SGCZ: variants seen among roughly 807,000 people sequenced by gnomAD.
The protein encoded by SGCZ is sarcoglycan zeta.
SGCZ carries 40 observed loss-of-function variants against 41.3 expected under a neutral mutation model. That is an observed-to-expected ratio of 0.97 (90% CI 0.75 to 1.26). The LOEUF (loss-of-function observed/expected upper bound fraction) is 1.26. Ranked by LOEUF, SGCZ falls within the 50% of genes most tolerant of loss-of-function variation. The pLI is 0.00. For synonymous variants in SGCZ, 206 were observed against 137.5 expected (o/e 1.50, Z -3.49); for missense variants, 552 against 369.8 (o/e 1.49, Z -4.04).
intron 1 of SGCZ, among the ~76,000 whole-genome samples, chr8:14,865,994 G>C (rs565498511): frequency 1.3e-5 from 2 of 152,026 alleles, no homozygotes; most frequent in Non-Finnish European, 2.9e-5. Flanking sequence ...GAGAAAATTG[G>C]GTTGTGAATG....
At chr8:14,363,192 C>A (rs1394890293) in intron 2 of SGCZ, among the ~76,000 whole-genome samples, 3 of 152,110 alleles carry the variant, frequency 2.0e-5, no homozygotes, top group South Asian at 2.1e-4. Flanking sequence ...ACTTTTGATG[C>A]AGACAGGTCC....
intron 3 of SGCZ, among the ~76,000 whole-genome samples, chr8:14,241,230 G>T (rs1229700911): frequency 6.6e-6 from 1 of 151,574 alleles, no homozygotes; most frequent in Non-Finnish European, 1.5e-5. Context: ...GCGAATATGT[G>T]GTTTAAGATA....
chr8:14,450,113 G>A (rs994682797), intron 2 of SGCZ, among the ~76,000 whole-genome samples: 24 of 152,088 alleles, frequency 1.6e-4, no homozygotes, highest in Non-Finnish European at 2.4e-4. Context: ...ACAAAAATCT[G>A]CCAATCCTTT....
intron 2 of SGCZ, among the ~76,000 whole-genome samples, chr8:14,367,231 T>C (rs1803741917): frequency 6.6e-6 from 1 of 152,066 alleles, no homozygotes; most frequent in Admixed American, 6.6e-5. Flanking sequence ...AAGAAGTTTC[T>C]CATCATCACT....
intron 2 of SGCZ, among the ~76,000 whole-genome samples, chr8:14,503,185 C>T (rs1802204236): frequency 6.6e-6 from 1 of 152,070 alleles, no homozygotes; most frequent in East Asian, 1.9e-4. Context: ...TCTCAGCAAA[C>T]TAACACAAGA....
intron 2 of SGCZ, among the ~76,000 whole-genome samples, chr8:14,465,686 T>C (rs1031528282): frequency 6.6e-6 from 1 of 151,716 alleles, no homozygotes. Flanking sequence ...GTGGTTGCCA[T>C]GGGGATTATA....
At position 14,898,539 on chromosome 8, in the gene SGCZ, T is replaced by A. The variant is rs192779006; in HGVS notation, c.39+339046A>T. On this transcript the variant is annotated intron_variant, in intron 1 of 7. Transcript: ENST00000382080. ...TTAAAATATTCTTTCAGTTTCAGCATGAAGAATAAATTGGTAAAAGCAAGA... is the reference window on the plus strand; with the variant it reads ...TTAAAATATTCTTTCAGTTTCAGCAAGAAGAATAAATTGGTAAAAGCAAGA... Among the ~76,000 whole-genome samples, 610 of 152,216 alleles carry A rather than the reference T, an allele frequency of 4.0e-3. 4 individuals are homozygous for A. The highest frequency in any genetic ancestry group is 0.018 in the South Asian group (86 of 4,824).
At chr8:14,444,227 G>A (rs1422737086) in intron 2 of SGCZ, among the ~76,000 whole-genome samples, 2 of 152,108 alleles carry the variant, frequency 1.3e-5, no homozygotes, top group South Asian at 2.1e-4. Context: ...CTGTAAACTA[G>A]TTCAACCATT....
At chr8:14,652,351 G>GC (rs1191257088) in intron 1 of SGCZ, among the ~76,000 whole-genome samples, 3 of 102,698 alleles carry the variant, frequency 2.9e-5, no homozygotes, top group Admixed American at 1.0e-4. Context: ...AAAAAAGGGG[G>GC]GGGTGTGGGG....
rs56152915 is a variant in SGCZ, at chr8:14,326,111, C to CAAAAAAAA, written c.235-1915_235-1908dup. Among the ~76,000 whole-genome samples the CAAAAAAAA allele has an allele frequency of 1.2e-3, 46 of 37,904 alleles. 10 individuals are homozygous for CAAAAAAAA. The highest frequency in any genetic ancestry group is 5.1e-3 in the South Asian group (3 of 584). The allele number at this position is 37,904 out of a possible 152,430, so 24.9% of individuals were successfully genotyped here. ...TGGGCGAAAGAGTGAGACTCCGTCT[C>CAAAAAAAA]AAAAAAAAAAAAAAAAAAAGATGAG... On this transcript the variant is annotated intron_variant, in intron 2 of 7. Transcript: ENST00000382080.
intron 2 of SGCZ, among the ~76,000 whole-genome samples, chr8:14,439,817 G>C (rs1387249692): frequency 2.0e-5 from 3 of 151,942 alleles, no homozygotes; most frequent in African/African-American, 7.2e-5. Context: ...CTTATATTAT[G>C]CTTAATGATG....
intron 2 of SGCZ, among the ~76,000 whole-genome samples, chr8:14,331,595 C>T (rs1319835319): frequency 6.6e-6 from 1 of 151,942 alleles, no homozygotes; most frequent in Non-Finnish European, 1.5e-5. Context: ...GGAATTTGAC[C>T]TCTAATTCAA....
intron 1 of SGCZ, among the ~76,000 whole-genome samples, chr8:15,107,892 T>G (rs1019997894): frequency 1.5e-4 from 23 of 152,338 alleles, no homozygotes; most frequent in African/African-American, 5.0e-4. Context: ...GTCACCCATT[T>G]CGTTCAGGTT....
chr8:15,186,647 T>C (rs1423017709), intron 1 of SGCZ, among the ~76,000 whole-genome samples: 2 of 152,210 alleles, frequency 1.3e-5, no homozygotes, highest in African/African-American at 4.8e-5. Context: ...TGAAACATTC[T>C]GTACTTCACA....
chr8:15,003,243 C>G (rs1258487563), intron 1 of SGCZ, among the ~76,000 whole-genome samples: 1 of 152,176 alleles, frequency 6.6e-6, no homozygotes, highest in Admixed American at 6.5e-5. Flanking sequence ...TAGGGAGAAA[C>G]AGTATGCTCT....
chr8:15,037,190 G>T (rs1279132650), intron 1 of SGCZ, among the ~76,000 whole-genome samples: 1 of 152,114 alleles, frequency 6.6e-6, no homozygotes, highest in South Asian at 2.1e-4. Context: ...CATGTCATAG[G>T]AGGGACCCAG....
chr8:14,957,458 C>T (rs1401664579), intron 1 of SGCZ, among the ~76,000 whole-genome samples: 3 of 151,690 alleles, frequency 2.0e-5, no homozygotes, highest in Non-Finnish European at 2.9e-5. Flanking sequence ...TTGGTCTTAC[C>T]GATTCTCAAA....
At chr8:14,209,236 A>G (rs1183604380) in intron 4 of SGCZ, among the ~76,000 whole-genome samples, 2 of 152,218 alleles carry the variant, frequency 1.3e-5, no homozygotes, top group Non-Finnish European at 2.9e-5. Flanking sequence ...AATCAGACAC[A>G]CAGCCTCTTC....
intron 1 of SGCZ, among the ~76,000 whole-genome samples, chr8:14,857,631 AG>A (rs1278294705): frequency 6.6e-6 from 1 of 152,178 alleles, no homozygotes; most frequent in African/African-American, 2.4e-5. Flanking sequence ...TGCAAGGCTA[AG>A]GCAGGTGGAT....
Sources: gnomAD v4.1 joint callset for allele counts (sites outside exome capture counted in the v4.1 genomes callset) on GRCh38, gnomAD v4.1.1 for gene constraint, MANE v1.5 for transcripts, NCBI Gene and HGNC (gene_info 2026-07-23, HGNC 2026-07-21) for gene names.